The following RAB3C variants were observed in gnomAD, a reference collection of about 807,000 sequenced individuals.
RAB3C encodes the protein ras-related protein Rab-3C.
Under a neutral mutation model 26.4 loss-of-function variants are expected in RAB3C, and 17 were observed. That is an observed-to-expected ratio of 0.64 (90% CI 0.44 to 0.97). The LOEUF (loss-of-function observed/expected upper bound fraction) is 0.97, where lower values mean the gene tolerates loss of function less well. RAB3C is among the 50% of genes least tolerant of loss of function. The pLI is 0.00. For missense variants in RAB3C, 242 were observed against 281.9 expected (o/e 0.86, Z 1.01); for synonymous variants, 91 against 95.9 (o/e 0.95, Z 0.30).
intron 3 of RAB3C, among the ~76,000 whole-genome samples, chr5:58,784,171 A>G (rs574819374): frequency 1.4e-4 from 22 of 152,274 alleles, no homozygotes; most frequent in East Asian, 5.8e-4. Flanking sequence ...GCCTCACCCA[A>G]TGAAAAGTGA....
intron 1 of RAB3C, among the ~76,000 whole-genome samples, chr5:58,612,788 C>A (rs1299742904): frequency 6.6e-6 from 1 of 151,730 alleles, no homozygotes; most frequent in Non-Finnish European, 1.5e-5. Context: ...GTTTGACTCC[C>A]TGTCTTCCTA....
intron 2 of RAB3C, among the ~76,000 whole-genome samples, chr5:58,722,909 G>A (rs1386422785): frequency 2.0e-5 from 3 of 151,702 alleles, no homozygotes; most frequent in Non-Finnish European, 4.4e-5. Context: ...TCAAATAGTG[G>A]CCAAGTAATT....
intron 2 of RAB3C, among the ~76,000 whole-genome samples, chr5:58,723,727 A>G (rs1168150282): frequency 6.6e-6 from 1 of 151,812 alleles, no homozygotes; most frequent in Non-Finnish European, 1.5e-5. Context: ...TGTGTGCAAC[A>G]TGTTAGTTTT....
intron 3 of RAB3C, among the ~76,000 whole-genome samples, chr5:58,736,510 G>A (rs961051563): frequency 1.3e-5 from 2 of 152,134 alleles, no homozygotes; most frequent in South Asian, 2.1e-4. Flanking sequence ...AGTATACTTC[G>A]GCTTTGCAAT....
chr5:58,798,295 A>T (rs1365173354), intron 3 of RAB3C, among the ~76,000 whole-genome samples: 3 of 152,122 alleles, frequency 2.0e-5, no homozygotes, highest in Non-Finnish European at 4.4e-5. Flanking sequence ...GTTAGTTTTT[A>T]ATTACAAAGG....
chr5:58,737,423 ATATATATATATATATATATATATAT>A lies in RAB3C; in HGVS notation c.371+11304_371+11328del, dbSNP rs1561305161. On this transcript the variant is annotated intron_variant, in intron 3 of 4. Coordinates refer to ENST00000282878, the MANE Select transcript of RAB3C (RefSeq NM_138453.4). ...TATATATATATATATATATATATAT[ATATATATATATATATATATATATAT>A]AATTTACTTGTTTACTGTGTTTATT... Among the ~76,000 whole-genome samples the A allele has an allele frequency of 4.3e-4, 52 of 121,424 alleles. 1 individual carries two copies. Among genetic ancestry groups the A allele is most frequent in the African/African-American group, 1.2e-3 (36 of 30,822 alleles). The allele number at this position is 121,424 out of a possible 152,430, so 79.7% of individuals were successfully genotyped here.
chr5:58,638,161 G>A (rs1335868801), intron 2 of RAB3C, among the ~76,000 whole-genome samples: 1 of 151,950 alleles, frequency 6.6e-6, no homozygotes, highest in Non-Finnish European at 1.5e-5. Context: ...CCAACAAGAG[G>A]GCATGAGATG....
intron 2 of RAB3C, among the ~76,000 whole-genome samples, chr5:58,645,743 C>T (rs973085053): frequency 6.6e-6 from 1 of 152,076 alleles, no homozygotes. Context: ...CTTCCCTGAG[C>T]CCTGAGGTCA....
chr5:58,644,719 C>T (rs1747480808), intron 2 of RAB3C, among the ~76,000 whole-genome samples: 1 of 152,178 alleles, frequency 6.6e-6, no homozygotes, highest in Admixed American at 6.5e-5. Context: ...TCCTTATTTT[C>T]ATGCTATTTC....
At chr5:58,637,814 C>G (rs1747321718) in intron 2 of RAB3C, among the ~76,000 whole-genome samples, 1 of 152,074 alleles carries the variant, frequency 6.6e-6, no homozygotes, top group Admixed American at 6.5e-5. Context: ...TGGCATACAG[C>G]TTTCCGATTT....
At chr5:58,722,608 C>T (rs1740796213) in intron 2 of RAB3C, among the ~76,000 whole-genome samples, 1 of 151,846 alleles carries the variant, frequency 6.6e-6, no homozygotes, top group South Asian at 2.1e-4. Flanking sequence ...ACACATATCA[C>T]AAAAGCTTTG....
chr5:58,583,001 C>G, upstream of RAB3C: 7 of 1,357,582 alleles, frequency 5.2e-6, no homozygotes, highest in Non-Finnish European at 6.7e-6. Context: ...ACCCGGAGGG[C>G]GAGACTACAG....
chr5:58,606,451 C>G (rs977144906), intron 1 of RAB3C, among the ~76,000 whole-genome samples: 3 of 152,214 alleles, frequency 2.0e-5, no homozygotes, highest in Non-Finnish European at 2.9e-5. Context: ...ATAGACTCCC[C>G]CTCTGTGGGC....
intron 1 of RAB3C, among the ~76,000 whole-genome samples, chr5:58,596,475 T>G (rs1441654783): frequency 7.1e-6 from 1 of 141,296 alleles, no homozygotes; most frequent in African/African-American, 2.6e-5. Context: ...TGCAAGATTT[T>G]ACATATATAG....
rs1364052023 is a variant in RAB3C, at chr5:58,853,999, T to A, written c.*2648T>A. The stretch of plus-strand genomic sequence containing the variant: ...ATTGAGCTATGTTACTTATAAATTA[T>A]AACACTATAGTTCCAAGGTTTTTCA... On this transcript the variant is annotated 3_prime_UTR_variant, in exon 5 of 5. Transcript: ENST00000282878. 6.6e-6 allele frequency: 1 copy of A among 151,192 alleles called. No individual in the cohort carries two copies. The highest frequency in any genetic ancestry group is 1.9e-4 in the East Asian group (1 of 5,154). The allele number at this position is 151,192 out of a possible 1,614,324, so 9.4% of individuals were successfully genotyped here. A position where few individuals can be genotyped will look rare whatever the true frequency, so the allele number is the denominator to read the frequency against.
At chr5:58,627,238 C>A (rs758370398) in intron 2 of RAB3C, among the ~76,000 whole-genome samples, 8 of 152,092 alleles carry the variant, frequency 5.3e-5, no homozygotes, top group African/African-American at 1.9e-4. Context: ...ATGTCAGCAG[C>A]TTCTGGTCTA....
intron 2 of RAB3C, among the ~76,000 whole-genome samples, chr5:58,720,679 A>G (rs143642932): frequency 4.0e-4 from 61 of 152,000 alleles, no homozygotes; most frequent in African/African-American, 1.2e-3. Flanking sequence ...CTGTTGAACA[A>G]TTAACATCAA....
intron 4 of RAB3C, among the ~76,000 whole-genome samples, chr5:58,827,554 C>G (rs764382447): frequency 6.6e-6 from 1 of 151,454 alleles, no homozygotes; most frequent in Non-Finnish European, 1.5e-5. Context: ...TTTCCCACTG[C>G]TCCATCGACT....
chr5:58,856,751 G>C lies in RAB3C; in HGVS notation c.*5400G>C, dbSNP rs1469763001. ...ACACAGATGGTACCTGAGCCCCTCA[G>C]ACACCTGCCCTTTCAGGGACGTGAG... On this transcript the variant is annotated 3_prime_UTR_variant, in exon 5 of 5. Coordinates refer to ENST00000282878, the MANE Select transcript of RAB3C (RefSeq NM_138453.4). 1 of 152,210 alleles carries C rather than the reference G, an allele frequency of 6.6e-6. No homozygotes were observed. The highest frequency in any genetic ancestry group is 2.4e-5 in the African/African-American group (1 of 41,460). 9.4% of individuals were successfully genotyped at this position (152,210 alleles called of 1,614,324 possible).
Sources: allele counts gnomAD v4.1 joint callset (sites outside exome capture counted in the v4.1 genomes callset), GRCh38; gene constraint gnomAD v4.1.1; transcripts MANE v1.5; gene names NCBI Gene and HGNC (gene_info 2026-07-23, HGNC 2026-07-21).